BHLHE41: variants seen among roughly 807,000 people sequenced by gnomAD.
BHLHE41 encodes the protein class E basic helix-loop-helix protein 41.
In BHLHE41, 14 loss-of-function variants were observed where a neutral mutation model predicts 24.0. That is an observed-to-expected ratio of 0.58 (90% CI 0.39 to 0.91). The LOEUF (loss-of-function observed/expected upper bound fraction) is 0.91. BHLHE41 is among the 40% of genes least tolerant of loss of function. The probability of loss-of-function intolerance (pLI) is 0.00; values close to 1 mark genes in which losing one functional copy is unlikely to be tolerated. For missense variants in BHLHE41, 674 were observed against 655.4 expected (o/e 1.03, Z -0.31); for synonymous variants, 394 against 315.5 (o/e 1.25, Z -2.64).
In BHLHE41 at chr12:26,122,382, G is replaced by A; in HGVS notation, c.1133C>T (p.Pro378Leu). 1.6e-6 allele frequency: 2 copies of A among 1,212,252 alleles called. No homozygotes were observed. The highest frequency in any genetic ancestry group is 3.7e-5 in the East Asian group (1 of 26,874). The allele number at this position is 1,212,252 out of a possible 1,614,324, so 75.1% of individuals were successfully genotyped here. The change falls in exon 5 of 5, where the codon CCG becomes CTG. Residue 378 changes from proline (P) to leucine (L), a missense_variant. By Grantham distance (98) the Pro-to-Leu change is moderately conservative. Transcript: ENST00000242728. Reference protein sequence around the residue: ...DKSGLEKYLYPAAAAAPFPLL... With the variant: ...DKSGLEKYLYLAAAAAPFPLL... The stretch of plus-strand genomic sequence containing the variant: ...CGGGAACGGGGCGGCAGCCGCCGCC[G>A]GGTACAGATACTTCTCCAGGCCGCT...
chr12:26,123,263 C>T, intron 4 of BHLHE41, 95 bp from the exon 5 acceptor site: 1 of 1,423,242 alleles, frequency 7.0e-7, no homozygotes, highest in Non-Finnish European at 9.3e-7. Context: ...GTGGGCCCTG[C>T]ATCGACTAAA....
intron 2 of BHLHE41, 113 bp downstream of exon 2, chr12:26,124,405 GT>G: frequency 8.3e-7 from 1 of 1,208,178 alleles, no homozygotes; most frequent in Non-Finnish European, 1.2e-6. Context: ...AAAATTCACA[GT>G]TGGGGAAGCT....
chr12:26,121,019 A>T lies in BHLHE41; in HGVS notation c.*1047T>A, dbSNP rs1473856232. The stretch of plus-strand genomic sequence containing the variant: ...TTCGTTCACTTTTGAATTTTAACAG[A>T]ATATAGGATATATCAGTTTGGACTT... On this transcript the variant is annotated 3_prime_UTR_variant, in exon 5 of 5. Transcript: ENST00000242728. 1 of 152,620 alleles carries T rather than the reference A, an allele frequency of 6.6e-6. No homozygotes were observed. Among genetic ancestry groups the T allele is most frequent in the Non-Finnish European group, 1.5e-5 (1 of 68,042 alleles). 9.5% of individuals were successfully genotyped at this position (152,620 alleles called of 1,614,324 possible). A position where few individuals can be genotyped will look rare whatever the true frequency, so the allele number is the denominator to read the frequency against.
Position 26,120,551 on chromosome 12 carries a change from G to A in BHLHE41, c.*1515C>T. 6.6e-6 allele frequency: 1 copy of A among 152,572 alleles called. No homozygotes were observed. Among genetic ancestry groups the A allele is most frequent in the African/African-American group, 2.4e-5 (1 of 41,422 alleles). The allele number at this position is 152,572 out of a possible 1,614,324, so 9.5% of individuals were successfully genotyped here. On this transcript the variant is annotated 3_prime_UTR_variant, in exon 5 of 5. Transcript: ENST00000242728. The stretch of plus-strand genomic sequence containing the variant: ...GATATTTTAACTCAAAATATCATTA[G>A]CACATATTTTCTCCCTACAAAAATA...
rs1430666158 is a variant in BHLHE41, at chr12:26,122,742, G to A, written c.773C>T (p.Ala258Val). Residue 258 changes from alanine to valine, a missense_variant, in exon 5 of 5, where the codon GCG becomes GTG. Ala to Val is a moderately conservative substitution (Grantham distance 64). This residue lies in a region of BHLHE41 where 602 missense variants were observed against 570.8 expected (regional missense o/e 1.05). Coordinates refer to ENST00000242728, the MANE Select transcript of BHLHE41 (RefSeq NM_030762.3). The stretch of plus-strand genomic sequence containing the variant: ...CTTGATGGTGACGCGGCTCGCCCCC[G>A]CGCCTTTGCCTTTCTCGCGGTCCGG... Reference protein sequence around the residue: ...ARPDREKGKGAGASRVTIKQE... With the variant: ...ARPDREKGKGVGASRVTIKQE... The A allele has an allele frequency of 1.9e-6, 3 of 1,595,086 alleles. No individual in the cohort carries two copies. Among genetic ancestry groups the A allele is most frequent in the African/African-American group, 1.4e-5 (1 of 72,652 alleles).
At position 26,122,492 on chromosome 12, in the gene BHLHE41, C is replaced by T. The variant is rs1944318743; in HGVS notation, c.1023G>A (p.Ala341=). 5 of 1,320,424 alleles carry T rather than the reference C, an allele frequency of 3.8e-6. No homozygotes were observed. The highest frequency in any genetic ancestry group is 4.9e-6 in the Non-Finnish European group (5 of 1,025,270). 81.8% of individuals were successfully genotyped at this position (1,320,424 alleles called of 1,614,324 possible). A position where few individuals can be genotyped will look rare whatever the true frequency, so the allele number is the denominator to read the frequency against. ...GGGGAPFPQP[A]AAAAPFCLPF... is the part of the protein sequence containing the mutation. Reference sequence around the variant, plus strand: ...GCAGGCAGAAGGGGGCCGCGGCGGCCGCGGGCTGCGGGAAGGGCGCGCCTC... The same window carrying T: ...GCAGGCAGAAGGGGGCCGCGGCGGCTGCGGGCTGCGGGAAGGGCGCGCCTC... Residue 341 remains alanine, a synonymous_variant, in exon 5 of 5, where the codon GCG becomes GCA. Transcript: ENST00000242728.
Position 26,122,186 on chromosome 12 carries a change from C to A in BHLHE41, c.1329G>T (p.Ala443=). The change falls in exon 5 of 5, where the codon GCG becomes GCT. Residue 443 remains alanine, a synonymous_variant. Coordinates refer to ENST00000242728, the MANE Select transcript of BHLHE41 (RefSeq NM_030762.3). ...GGCCGTGCGGGTGCTGGGGGTGCGG[C>A]GCCCCAAGGGGCGCCACCTCGTGCG... The part of the protein sequence containing the change: ...LLPHEVAPLG[A]PHPQHPHGRT... The A allele has an allele frequency of 6.8e-7, 1 of 1,479,806 alleles. No homozygotes were observed. Among genetic ancestry groups the A allele is most frequent in the Non-Finnish European group, 9.0e-7 (1 of 1,115,366 alleles). The allele number at this position is 1,479,806 out of a possible 1,614,324, so 91.7% of individuals were successfully genotyped here.
At position 26,121,220 on chromosome 12, in the gene BHLHE41, T is replaced by C. The variant is rs4963955; in HGVS notation, c.*846A>G. 0.058 allele frequency: 8,869 copies of C among 152,392 alleles called. 409 individuals carry two copies. Among genetic ancestry groups the C allele is most frequent in the African/African-American group, 0.13 (5,229 of 41,492 alleles). 9.4% of individuals were successfully genotyped at this position (152,392 alleles called of 1,614,324 possible). Reference sequence around the variant, plus strand: ...AAATAGAAATCTGTACAGATAGATATCTATCTATATATGGACTTAGAAGAA... The same window carrying C: ...AAATAGAAATCTGTACAGATAGATACCTATCTATATATGGACTTAGAAGAA... On this transcript the variant is annotated 3_prime_UTR_variant, in exon 5 of 5. Coordinates refer to ENST00000242728, the MANE Select transcript of BHLHE41 (RefSeq NM_030762.3).
rs1489277709 is a variant in BHLHE41, at chr12:26,124,956, T to TCGCACACACA, written c.-187_-178dup. 1 of 696,454 alleles carries TCGCACACACA rather than the reference T, an allele frequency of 1.4e-6. No homozygotes were observed. The highest frequency in any genetic ancestry group is 2.6e-6 in the Non-Finnish European group (1 of 386,360). 43.1% of individuals were successfully genotyped at this position (696,454 alleles called of 1,614,324 possible). On this transcript the variant is annotated 5_prime_UTR_variant, in exon 1 of 5. Transcript: ENST00000242728. ...AGTTGGTCCCCCCCCTCCACCGCGC[T>TCGCACACACA]CGCACACACACACGCACACACACGC...
In BHLHE41 at chr12:26,122,282, CGCGGCG is replaced by C. The variant is rs909227356; in HGVS notation, c.1227_1232del (p.Ala410_Ala411del). 59 of 1,202,260 alleles carry C rather than the reference CGCGGCG, an allele frequency of 4.9e-5. No individual in the cohort carries two copies. Among genetic ancestry groups the C allele is most frequent in the African/African-American group, 9.6e-5 (6 of 62,356 alleles). 74.5% of individuals were successfully genotyped at this position (1,202,260 alleles called of 1,614,324 possible). ...ACAACACCGAGGACAGGCAGGGGAACGCGGCGGCGGCGGCGGCAGCGGCGGCGGCGG... is the reference window on the plus strand; with the variant it reads ...ACAACACCGAGGACAGGCAGGGGAACGCGGCGGCGGCAGCGGCGGCGGCGG... On this transcript the variant is annotated inframe_deletion, in exon 5 of 5. Transcript: ENST00000242728.
intron 2 of BHLHE41, 73 bp from the exon 3 acceptor site, chr12:26,124,252 T>TTGG: frequency 1.1e-6 from 1 of 879,454 alleles, no homozygotes; most frequent in Non-Finnish European, 1.8e-6. Context: ...TACCCTCGTC[T>TTGG]GCCCCCCCCG....
intron 3 of BHLHE41, 140 bp from the exon 4 acceptor site, chr12:26,123,881 A>C: frequency 6.5e-6 from 5 of 772,456 alleles, no homozygotes; most frequent in Non-Finnish European, 1.1e-5. Flanking sequence ...GCTTTCCACA[A>C]GACAGGTTAT....
In BHLHE41 at chr12:26,120,345, G is replaced by A. The variant is rs577174134; in HGVS notation, c.*1721C>T. The A allele has an allele frequency of 1.2e-4, 19 of 152,582 alleles. No individual in the cohort carries two copies. Among genetic ancestry groups the A allele is most frequent in the Non-Finnish European group, 2.2e-4 (15 of 68,040 alleles). The allele number at this position is 152,582 out of a possible 1,614,324, so 9.5% of individuals were successfully genotyped here. ...ATTTAGGTAATAGAATTTATGGAGT[G>A]CTGAAAATACTAGAATATAAAGGTA... On this transcript the variant is annotated 3_prime_UTR_variant, in exon 5 of 5. Coordinates refer to ENST00000242728, the MANE Select transcript of BHLHE41 (RefSeq NM_030762.3).
chr12:26,122,321 G>A lies in BHLHE41; in HGVS notation c.1194C>T (p.Ala398=), dbSNP rs1168086949. The change falls in exon 5 of 5, where the codon GCC becomes GCT. Residue 398 remains alanine (A), a synonymous_variant. Coordinates refer to ENST00000242728, the MANE Select transcript of BHLHE41 (RefSeq NM_030762.3). ...CGGCAGCGGCGGCGGCGGCTGCCGC[G>A]GCTGCCGCCGGGGCGGGGATGCCGG... ...LYPGIPAPAA[A]AAAAAAAAAA... is the part of the protein sequence containing the mutation. 5 of 1,163,600 alleles carry A rather than the reference G, an allele frequency of 4.3e-6. No individual in the cohort carries two copies. The African/African-American group carries it at 8.3e-5, about 19-fold the overall frequency. The allele number at this position is 1,163,600 out of a possible 1,614,324, so 72.1% of individuals were successfully genotyped here. A position where few individuals can be genotyped will look rare whatever the true frequency, so the allele number is the denominator to read the frequency against.
At chr12:26,124,474 A>T (rs770492170) in intron 2 of BHLHE41, 45 bp downstream of exon 2, 2 of 1,573,560 alleles carry the variant, frequency 1.3e-6, no homozygotes, top group Admixed American at 1.7e-5. Flanking sequence ...GGCTCTAATT[A>T]ACTACCCATG....
intron 2 of BHLHE41, 148 bp downstream of exon 2, chr12:26,124,371 C>A: frequency 1.1e-6 from 1 of 926,924 alleles, no homozygotes; most frequent in Non-Finnish European, 1.7e-6. Flanking sequence ...TAATATCCCC[C>A]TGAGAGTACC....
chr12:26,124,658 G>C, intron 1 of BHLHE41, 60 bp downstream of exon 1: 1 of 1,612,898 alleles, frequency 6.2e-7, no homozygotes, highest in South Asian at 1.1e-5. Context: ...CCACTTTCTG[G>C]AGAAGAAAAA....
In BHLHE41 at chr12:26,121,562, C is replaced by G. The variant is rs1242250463; in HGVS notation, c.*504G>C. On this transcript the variant is annotated 3_prime_UTR_variant, in exon 5 of 5. Coordinates refer to ENST00000242728, the MANE Select transcript of BHLHE41 (RefSeq NM_030762.3). ...TCTGTTTGTGGAACGCCTCCTAAAA[C>G]AGGCAGGGCAGCTTTGAGAACTAGC... is the stretch of plus-strand genomic sequence containing the variant. The G allele has an allele frequency of 1.3e-5, 2 of 153,266 alleles. No homozygotes were observed. Among genetic ancestry groups the G allele is most frequent in the Admixed American group, 1.3e-4 (2 of 15,340 alleles). 9.5% of individuals were successfully genotyped at this position (153,266 alleles called of 1,614,324 possible). A position where few individuals can be genotyped will look rare whatever the true frequency, so the allele number is the denominator to read the frequency against.
In BHLHE41 at chr12:26,121,844, T is replaced by TA; in HGVS notation, c.*221dup. 5 of 1,048,872 alleles carry TA rather than the reference T, an allele frequency of 4.8e-6. No individual in the cohort carries two copies. The highest frequency in any genetic ancestry group is 6.6e-6 in the Non-Finnish European group (5 of 757,508). The allele number at this position is 1,048,872 out of a possible 1,614,324, so 65.0% of individuals were successfully genotyped here. ...GCTGGTGGGGGGAAGAAAGGGATGT[T>TA]AGTGTGTGGAGGGTGGGGTGGTGCG... is the stretch of plus-strand genomic sequence containing the variant. On this transcript the variant is annotated 3_prime_UTR_variant, in exon 5 of 5. Transcript: ENST00000242728.
Sources: allele counts gnomAD v4.1 joint callset, GRCh38; gene constraint gnomAD v4.1.1; regional missense constraint gnomAD v4.1.1; transcripts MANE v1.5; gene names NCBI Gene and HGNC (gene_info 2026-07-23, HGNC 2026-07-21).